TMTC1: variants seen among roughly 807,000 people sequenced by gnomAD.
TMTC1 encodes transmembrane O-mannosyltransferase targeting cadherins 1, also known as protein O-mannosyl-transferase TMTC1.
Under a neutral mutation model 104.8 loss-of-function variants are expected in TMTC1, and 73 were observed. The ratio of observed to expected loss-of-function variants is 0.70; its 90% CI spans 0.58 to 0.85. TMTC1 has a LOEUF of 0.85. TMTC1 is among the 40% of genes least tolerant of loss of function. The pLI is 0.00. For missense variants in TMTC1, 1,035 were observed against 1,096.1 expected (o/e 0.94, Z 0.79); for synonymous variants, 434 against 428.7 (o/e 1.01, Z -0.15).
chr12:29,746,929 C>CCAG, intron 5 of TMTC1, among the ~76,000 whole-genome samples: 1 of 152,086 alleles, frequency 6.6e-6, no homozygotes, highest in East Asian at 1.9e-4. Flanking sequence ...TGCCATATTT[C>CCAG]CAGCACCAAA....
intron 5 of TMTC1, among the ~76,000 whole-genome samples, chr12:29,684,962 C>CT (rs1941045464): frequency 6.6e-6 from 1 of 152,040 alleles, no homozygotes; most frequent in African/African-American, 2.4e-5. Flanking sequence ...TTCTACAAAC[C>CT]TTTTTTCCCT....
At chr12:29,635,128 G>T (rs1025642413) in intron 5 of TMTC1, among the ~76,000 whole-genome samples, 1 of 151,774 alleles carries the variant, frequency 6.6e-6, no homozygotes, top group African/African-American at 2.4e-5. Context: ...TATACAAATA[G>T]AGTAGTATAT....
chr12:29,555,134 C>CGTT (rs376904425), intron 10 of TMTC1, among the ~76,000 whole-genome samples: 20 of 88,210 alleles, frequency 2.3e-4, no homozygotes, highest in Non-Finnish European at 3.0e-4. Context: ...TTCCAACATC[C>CGTT]TTTTTTTTTT....
intron 16 of TMTC1, among the ~76,000 whole-genome samples, chr12:29,512,921 G>A (rs970457435): frequency 6.6e-6 from 1 of 152,078 alleles, no homozygotes; most frequent in Admixed American, 6.6e-5. Context: ...AATGTTCCTT[G>A]CTATTTTCAT....
chr12:29,723,612 T>G (rs2136890154), intron 5 of TMTC1, among the ~76,000 whole-genome samples: 1 of 151,938 alleles, frequency 6.6e-6, no homozygotes, highest in East Asian at 1.9e-4. Flanking sequence ...CTTGGGAAGC[T>G]GAGGTAGATG....
intron 8 of TMTC1, among the ~76,000 whole-genome samples, chr12:29,579,048 G>A (rs905681022): frequency 3.9e-5 from 6 of 152,166 alleles, no homozygotes; most frequent in African/African-American, 1.4e-4. Context: ...GGAAACTGAA[G>A]CTCAGAGAGA....
intron 5 of TMTC1, among the ~76,000 whole-genome samples, chr12:29,700,599 C>G (rs1380257916): frequency 6.6e-6 from 1 of 152,130 alleles, no homozygotes; most frequent in Non-Finnish European, 1.5e-5. Context: ...TGGAGAGAAG[C>G]TGGAATTTTG....
chr12:29,651,613 C>T (rs906353446), intron 5 of TMTC1, among the ~76,000 whole-genome samples: 5 of 152,168 alleles, frequency 3.3e-5, no homozygotes, highest in African/African-American at 1.2e-4. Context: ...AAGGCAGCAT[C>T]CCTAGAAAGT....
At chr12:29,570,283 T>C (rs980918695) in intron 9 of TMTC1, among the ~76,000 whole-genome samples, 4 of 152,228 alleles carry the variant, frequency 2.6e-5, no homozygotes, top group Non-Finnish European at 4.4e-5. Flanking sequence ...ATGTTCATTG[T>C]GGAACACCTG....
intron 5 of TMTC1, among the ~76,000 whole-genome samples, chr12:29,635,542 CCTTTA>C (rs1222096169): frequency 6.6e-6 from 1 of 152,150 alleles, no homozygotes; most frequent in African/African-American, 2.4e-5. Context: ...CCGATGAGGT[CCTTTA>C]TTTATAATAG....
intron 11 of TMTC1, among the ~76,000 whole-genome samples, chr12:29,525,012 G>C (rs2136171262): frequency 6.6e-6 from 1 of 151,990 alleles, no homozygotes; most frequent in Non-Finnish European, 1.5e-5. Context: ...TTTGTTTTGG[G>C]GAGAAACTTT....
chr12:29,741,037 T>C (rs1348202054), intron 5 of TMTC1, among the ~76,000 whole-genome samples: 1 of 152,216 alleles, frequency 6.6e-6, no homozygotes, highest in Non-Finnish European at 1.5e-5. Context: ...GTATATAGAG[T>C]AAGTTTTTAA....
At chr12:29,673,316 A>G (rs934318891) in intron 5 of TMTC1, among the ~76,000 whole-genome samples, 6 of 152,252 alleles carry the variant, frequency 3.9e-5, no homozygotes, top group Admixed American at 3.3e-4. Context: ...CGCTCTTAGC[A>G]TAGATCATAC....
At chr12:29,740,460 C>T (rs1001682407) in intron 5 of TMTC1, among the ~76,000 whole-genome samples, 2 of 152,166 alleles carry the variant, frequency 1.3e-5, no homozygotes, top group East Asian at 1.9e-4. Context: ...ATGCTGGATG[C>T]TTCCTGCCCT....
chr12:29,754,463 C>T (rs946199323), intron 4 of TMTC1, among the ~76,000 whole-genome samples: 2 of 152,146 alleles, frequency 1.3e-5, no homozygotes, highest in South Asian at 2.1e-4. Flanking sequence ...CTGCAGTCAG[C>T]TGTCTTATCT....
intron 5 of TMTC1, among the ~76,000 whole-genome samples, chr12:29,678,843 A>C (rs527374060): frequency 6.6e-6 from 1 of 152,214 alleles, no homozygotes; most frequent in East Asian, 1.9e-4. Context: ...TATGGCTACC[A>C]TGAAATGGAA....
At chr12:29,651,627 T>C (rs532704518) in intron 5 of TMTC1, among the ~76,000 whole-genome samples, 1 of 152,342 alleles carries the variant, frequency 6.6e-6, no homozygotes, top group South Asian at 2.1e-4. Flanking sequence ...AGAAAGTTAC[T>C]GGGCCCACAG....
intron 5 of TMTC1, among the ~76,000 whole-genome samples, chr12:29,690,046 A>C (rs551023402): frequency 6.6e-6 from 1 of 152,372 alleles, no homozygotes; most frequent in Admixed American, 6.5e-5. Context: ...TCCCAATCAG[A>C]TAATGAAATA....
intron 13 of TMTC1, among the ~76,000 whole-genome samples, chr12:29,518,256 T>G (rs1448399882): frequency 6.6e-6 from 1 of 152,200 alleles, no homozygotes; most frequent in African/African-American, 2.4e-5. Flanking sequence ...AATTTCAACC[T>G]TGGTTCAGCA....
Sources: gnomAD v4.1 joint callset for allele counts (sites outside exome capture counted in the v4.1 genomes callset) on GRCh38, gnomAD v4.1.1 for gene constraint, MANE v1.5 for transcripts, NCBI Gene and HGNC (gene_info 2026-07-23, HGNC 2026-07-21) for gene names.